ZDHHC7: variants seen among roughly 807,000 people sequenced by gnomAD.
ZDHHC7 encodes palmitoyltransferase ZDHHC7.
Under a neutral mutation model 34.1 loss-of-function variants are expected in ZDHHC7, and 12 were observed. The ratio of observed to expected loss-of-function variants is 0.35; its 90% CI spans 0.23 to 0.57. The LOEUF (loss-of-function observed/expected upper bound fraction) is 0.57, where lower values mean the gene tolerates loss of function less well. Ranked by LOEUF, ZDHHC7 falls within the 20% of genes least tolerant of loss-of-function variation. The pLI, the probability that ZDHHC7 is intolerant of heterozygous loss-of-function variation, is 0.84. For synonymous variants in ZDHHC7, 185 were observed against 155.4 expected, an observed-to-expected ratio of 1.19 and a Z score of -1.42; for missense variants, 388 against 402.7, an observed-to-expected ratio of 0.96 and a Z score of 0.31.
At chr16:85,017,767 A>T in the ZDHHC7 span, among the ~76,000 whole-genome samples, 6 of 152,214 alleles carry the variant, frequency 3.9e-5, no homozygotes, top group African/African-American at 1.4e-4. Context: ...AAGGAATTTA[A>T]GGATAAGTCA....
chr16:85,015,711 G>A (rs1158613686), upstream of ZDHHC7, among the ~76,000 whole-genome samples: 15 of 151,988 alleles, frequency 9.9e-5, no homozygotes, highest in Admixed American at 9.2e-4. Context: ...TGGGCGTGGT[G>A]GCGTATCCCT....
At chr16:85,004,222 C>A (rs909691991) in intron 1 of ZDHHC7, among the ~76,000 whole-genome samples, 3 of 151,940 alleles carry the variant, frequency 2.0e-5, no homozygotes, top group African/African-American at 7.3e-5. Flanking sequence ...CTTCATGTAT[C>A]TCATTCCCCA....
chr16:84,985,075 T>C (rs1054537693), intron 3 of ZDHHC7, among the ~76,000 whole-genome samples: 2 of 152,250 alleles, frequency 1.3e-5, no homozygotes, highest in African/African-American at 4.8e-5. Flanking sequence ...TTCTTGAATG[T>C]TTCCCACTCA....
At chr16:84,999,053 C>G (rs2072621288) in intron 1 of ZDHHC7, among the ~76,000 whole-genome samples, 1 of 152,202 alleles carries the variant, frequency 6.6e-6, no homozygotes. Flanking sequence ...CCGTGCCCAG[C>G]CTAAATGCAG....
chr16:84,980,779 G>T (rs2072357882), intron 4 of ZDHHC7, among the ~76,000 whole-genome samples: 1 of 152,108 alleles, frequency 6.6e-6, no homozygotes, highest in Non-Finnish European at 1.5e-5. Flanking sequence ...TCTAATTTTT[G>T]AACATTCCCA....
chr16:85,027,552 C>A, the ZDHHC7 span, among the ~76,000 whole-genome samples: 1 of 152,212 alleles, frequency 6.6e-6, no homozygotes, highest in African/African-American at 2.4e-5. Context: ...GAACACCCAG[C>A]CTCTAAGCAG....
At chr16:85,011,981 C>T (rs1567510302), upstream of ZDHHC7, among the ~76,000 whole-genome samples, 1 of 152,220 alleles carries the variant, frequency 6.6e-6, no homozygotes, top group Non-Finnish European at 1.5e-5. Flanking sequence ...GGAGGCCTGA[C>T]TCCTGAGGTC....
chr16:84,991,222 A>T (rs575960771), intron 2 of ZDHHC7, among the ~76,000 whole-genome samples: 4 of 152,308 alleles, frequency 2.6e-5, no homozygotes, highest in Non-Finnish European at 5.9e-5. Flanking sequence ...TTTTTGGAGC[A>T]GACTCCCATT....
intron 1 of ZDHHC7, among the ~76,000 whole-genome samples, chr16:85,000,633 A>T (rs1019045787): frequency 6.6e-6 from 1 of 152,192 alleles, no homozygotes; most frequent in African/African-American, 2.4e-5. Flanking sequence ...TCAGCCCCAT[A>T]AAAAACGGAA....
At position 84,990,502 on chromosome 16, in the gene ZDHHC7, G is replaced by T; in HGVS notation, c.117C>A (p.Val39=). 6.2e-7 allele frequency: 1 copy of T among 1,614,172 alleles called. No homozygotes were observed. Among genetic ancestry groups the T allele is most frequent in the Non-Finnish European group, 8.5e-7 (1 of 1,180,028 alleles). The change falls in exon 3 of 8, where the codon GTC becomes GTA. Residue 39 remains valine, a synonymous_variant. Coordinates refer to ENST00000313732, the MANE Select transcript of ZDHHC7 (RefSeq NM_017740.3). ...SSSEADVADR[V]WFIRDGCGMI... ...TGCCGCAGCCGTCACGGATGAACCA[G>T]ACCCGGTCAGCCACGTCAGCCTCGG...
At chr16:85,012,168 G>C (rs751310912), upstream of ZDHHC7, among the ~76,000 whole-genome samples, 1 of 152,110 alleles carries the variant, frequency 6.6e-6, no homozygotes, top group Non-Finnish European at 1.5e-5. Context: ...GATCACTTGA[G>C]GTCAGGAGTT....
chr16:85,002,720 G>C (rs2072668965), intron 1 of ZDHHC7, among the ~76,000 whole-genome samples: 1 of 152,132 alleles, frequency 6.6e-6, no homozygotes, highest in South Asian at 2.1e-4. Flanking sequence ...AGAAAGCGTG[G>C]GTGGAGTGGG....
At chr16:85,025,437 T>C in the ZDHHC7 span, among the ~76,000 whole-genome samples, 5 of 151,626 alleles carry the variant, frequency 3.3e-5, no homozygotes, top group African/African-American at 1.2e-4. Flanking sequence ...GGGGACTAAG[T>C]CTCACTCCGT....
chr16:84,976,197 A>T lies in ZDHHC7; in HGVS notation c.*146T>A. Reference sequence around the variant, plus strand: ...TCTTCCTCTGCCATCTGTGACTATAAATATATAAAACTCTGCTTGCTGCAA... The same window carrying T: ...TCTTCCTCTGCCATCTGTGACTATATATATATAAAACTCTGCTTGCTGCAA... On this transcript the variant is annotated 3_prime_UTR_variant, in exon 8 of 8. Coordinates refer to ENST00000313732, the MANE Select transcript of ZDHHC7 (RefSeq NM_017740.3). The T allele has an allele frequency of 9.9e-7, 1 of 1,014,400 alleles. No individual in the cohort carries two copies. Among genetic ancestry groups the T allele is most frequent in the Non-Finnish European group, 1.4e-6 (1 of 690,758 alleles). 62.8% of individuals were successfully genotyped at this position (1,014,400 alleles called of 1,614,324 possible).
At chr16:84,988,190 C>A (rs1474131474) in intron 3 of ZDHHC7, among the ~76,000 whole-genome samples, 1 of 151,972 alleles carries the variant, frequency 6.6e-6, no homozygotes, top group African/African-American at 2.4e-5. Flanking sequence ...AGTCTGTGAA[C>A]ATGCAAATTC....
chr16:85,011,645 G>C (rs1057176966), upstream of ZDHHC7: 3 of 152,332 alleles, frequency 2.0e-5, no homozygotes, highest in African/African-American at 7.2e-5. Context: ...TTACAAACTG[G>C]CAGTTCATTG....
chr16:85,013,871 AGAGACGGG>A (rs1360485909), upstream of ZDHHC7, among the ~76,000 whole-genome samples: 1 of 151,778 alleles, frequency 6.6e-6, no homozygotes, highest in Non-Finnish European at 1.5e-5. Context: ...TATTTTTAGT[AGAGACGGG>A]GTTTCACTAT....
the ZDHHC7 span, among the ~76,000 whole-genome samples, chr16:85,022,141 C>A: frequency 8.1e-5 from 12 of 148,230 alleles, no homozygotes; most frequent in African/African-American, 3.0e-4. Flanking sequence ...GCCTGGGCGA[C>A]AGAGCGAAAC....
the ZDHHC7 span, among the ~76,000 whole-genome samples, chr16:85,023,956 C>T: frequency 4.6e-5 from 7 of 151,988 alleles, no homozygotes; most frequent in Non-Finnish European, 8.8e-5. Flanking sequence ...CTCGCTCTGT[C>T]GCCCAGGTTG....
Sources: allele counts gnomAD v4.1 joint callset (sites outside exome capture counted in the v4.1 genomes callset), GRCh38; gene constraint gnomAD v4.1.1; transcripts MANE v1.5; gene names NCBI Gene and HGNC (gene_info 2026-07-23, HGNC 2026-07-21).